TM9SF4: variants seen among roughly 807,000 people sequenced by gnomAD.
The protein encoded by TM9SF4 is transmembrane 9 superfamily member 4, also known as dinucleotide oxidase disulfide thiol exchanger 3 superfamily member 4.
In TM9SF4, 26 loss-of-function variants were observed where a neutral mutation model predicts 90.4. That is an observed-to-expected ratio of 0.29 (90% CI 0.21 to 0.40). TM9SF4 has a LOEUF of 0.40. Ranked by LOEUF, TM9SF4 falls within the 10% of genes least tolerant of loss-of-function variation. The pLI, the probability that TM9SF4 is intolerant of heterozygous loss-of-function variation, is 1.00. For synonymous variants in TM9SF4, 293 were observed against 315.4 expected, an observed-to-expected ratio of 0.93 and a Z score of 0.75; for missense variants, 549 against 834.8, an observed-to-expected ratio of 0.66 and a Z score of 4.22.
In TM9SF4 at chr20:32,150,630, A is replaced by G. The variant is rs772995847; in HGVS notation, c.1096A>G (p.Met366Val). 6.2e-7 allele frequency: 1 copy of G among 1,614,122 alleles called. No homozygotes were observed. The highest frequency in any genetic ancestry group is 1.1e-5 in the South Asian group (1 of 91,080). Residue 366 changes from methionine (M) to valine (V), a missense_variant, in exon 11 of 18, where the codon ATG becomes GTG. Physicochemically the swap from Met to Val is conservative, Grantham distance 21. Around this residue, in one of 2 missense-constraint regions of TM9SF4, gnomAD observed 495 missense variants for 711.7 expected, o/e 0.70. Coordinates refer to ENST00000398022, the MANE Select transcript of TM9SF4 (RefSeq NM_014742.4). ...CCTCCCTCCCTCCACAGTTGTAGCCATGCTTGGGATGCTGTCGCCCTCCAG... is the reference window on the plus strand; with the variant it reads ...CCTCCCTCCCTCCACAGTTGTAGCCGTGCTTGGGATGCTGTCGCCCTCCAG... ...CMILIVIFVA[M>V]LGMLSPSSRG...
chr20:32,130,292 A>G (rs974870157), intron 1 of TM9SF4, among the ~76,000 whole-genome samples: 3 of 152,170 alleles, frequency 2.0e-5, no homozygotes, highest in Non-Finnish European at 4.4e-5. Context: ...TGTTGATAGT[A>G]TCTTTGTGTG....
rs1440757110 is a variant in TM9SF4 at position 32,129,353 on chromosome 20, C to T, written c.16-3660C>T. Among the ~76,000 whole-genome samples the T allele has an allele frequency of 3.3e-5, 5 of 152,012 alleles. No homozygotes were observed. In the East Asian group the frequency reaches 9.7e-4, roughly 30 times the overall value. ...ACAAAAAATCAAAAAAATTGCGGTG[C>T]ATGGTGGCGTGTGCCTGTGGTCCCA... On this transcript the variant is annotated intron_variant, in intron 1 of 17. Coordinates refer to ENST00000398022, the MANE Select transcript of TM9SF4 (RefSeq NM_014742.4).
At chr20:32,143,962 C>T (rs984574354) in intron 6 of TM9SF4, among the ~76,000 whole-genome samples, 1 of 151,806 alleles carries the variant, frequency 6.6e-6, no homozygotes, top group Non-Finnish European at 1.5e-5. Flanking sequence ...TTTTTTCCCC[C>T]CAAGACAGAG....
intron 16 of TM9SF4, chr20:32,161,057 G>A (rs2047011147): frequency 4.3e-6 from 2 of 465,316 alleles, no homozygotes; most frequent in Middle Eastern, 5.8e-4. Context: ...TTTTAATGAG[G>A]TATAAACTGT....
chr20:32,155,013 G>A, intron 12 of TM9SF4, 90 bp from the exon 13 acceptor site: 1 of 895,842 alleles, frequency 1.1e-6, no homozygotes, highest in Non-Finnish European at 1.9e-6. Context: ...AGACAAGGAG[G>A]GCTTAAGAGC....
At chr20:32,117,665 G>C (rs2046247350) in intron 1 of TM9SF4, among the ~76,000 whole-genome samples, 1 of 149,430 alleles carries the variant, frequency 6.7e-6, no homozygotes, top group Non-Finnish European at 1.5e-5. Flanking sequence ...CAGATGGGGA[G>C]GGAAAGACCT....
At chr20:32,154,567 C>T (rs2046890561) in intron 12 of TM9SF4, among the ~76,000 whole-genome samples, 1 of 152,170 alleles carries the variant, frequency 6.6e-6, no homozygotes, top group Non-Finnish European at 1.5e-5. Flanking sequence ...AATTCTCCAG[C>T]CTCAGCCTCC....
rs1448170846 is a variant in TM9SF4, at chr20:32,157,954, T to C, written c.1490T>C (p.Met497Thr). 6.2e-7 allele frequency: 1 copy of C among 1,614,086 alleles called. No individual in the cohort carries two copies. The highest frequency in any genetic ancestry group is 8.5e-7 in the Non-Finnish European group (1 of 1,180,012). The part of the protein sequence containing the change: ...PRQIPEQRWY[M>T]NRFVGILMAG... ...CAGATCCCCGAGCAGCGGTGGTACATGAACCGATTTGTGGGGTGAGTCCTC... is the reference window on the plus strand; with the variant it reads ...CAGATCCCCGAGCAGCGGTGGTACACGAACCGATTTGTGGGGTGAGTCCTC... The change falls in exon 14 of 18, where the codon ATG (methionine) becomes ACG (threonine). Residue 497 changes from methionine (M) to threonine (T), a missense_variant. Met to Thr is a moderately conservative substitution (Grantham distance 81, BLOSUM62 -1). Coordinates refer to ENST00000398022, the MANE Select transcript of TM9SF4 (RefSeq NM_014742.4).
At chr20:32,112,709 A>AG (rs2046163722) in intron 1 of TM9SF4, among the ~76,000 whole-genome samples, 1 of 151,092 alleles carries the variant, frequency 6.6e-6, no homozygotes, top group African/African-American at 2.4e-5. Flanking sequence ...AAAAAAAAAA[A>AG]CAAAAAACAA....
intron 1 of TM9SF4, among the ~76,000 whole-genome samples, chr20:32,122,258 A>AT (rs1555881832): frequency 1.8e-4 from 4 of 22,740 alleles, no homozygotes; most frequent in Non-Finnish European, 4.7e-4. Flanking sequence ...CGGGGGGCTG[A>AT]CCCCCCACCT....
At chr20:32,147,915 C>A (rs1406615193) in intron 9 of TM9SF4, among the ~76,000 whole-genome samples, 2 of 149,904 alleles carry the variant, frequency 1.3e-5, no homozygotes, top group Non-Finnish European at 3.0e-5. Flanking sequence ...GAGTTCAAGA[C>A]CAGCCTGACC....
At chr20:32,142,243 A>C (rs916799692) in intron 5 of TM9SF4, among the ~76,000 whole-genome samples, 1 of 152,146 alleles carries the variant, frequency 6.6e-6, no homozygotes, top group Non-Finnish European at 1.5e-5. Context: ...TAGTTGTCTA[A>C]GTGACCCTGA....
At chr20:32,161,896 G>T (rs2047024098) in intron 17 of TM9SF4, among the ~76,000 whole-genome samples, 1 of 152,210 alleles carries the variant, frequency 6.6e-6, no homozygotes, top group South Asian at 2.1e-4. Context: ...GAGAGGATGG[G>T]AAAGTTTTTC....
At chr20:32,156,942 CT>C (rs71185385) in intron 13 of TM9SF4, among the ~76,000 whole-genome samples, 116 of 103,438 alleles carry the variant, frequency 1.1e-3, no homozygotes, top group Admixed American at 4.1e-3. Flanking sequence ...TGGACATTTT[CT>C]TTTTTTTTTT....
intron 3 of TM9SF4, among the ~76,000 whole-genome samples, chr20:32,138,975 T>C (rs1195485808): frequency 1.3e-5 from 2 of 152,254 alleles, no homozygotes; most frequent in East Asian, 1.9e-4. Flanking sequence ...TCTGCAGATA[T>C]CTTACTGTGT....
rs566803575 is a variant in TM9SF4 at position 32,135,978 on chromosome 20, C to G, written c.130-96C>G. On this transcript the variant is annotated intron_variant, in intron 2 of 17. Transcript: ENST00000398022. ...TGTACTGCTGTCATTTCTGCTAATTCGTTTGCCTATTAGTTAATATTACCA... is the reference window on the plus strand; with the variant it reads ...TGTACTGCTGTCATTTCTGCTAATTGGTTTGCCTATTAGTTAATATTACCA... The G allele has an allele frequency of 4.5e-5, 44 of 984,470 alleles. No individual in the cohort carries two copies. In the African/African-American group the frequency reaches 5.3e-4, roughly 12 times the overall value. The allele number at this position is 984,470 out of a possible 1,614,324, so 61.0% of individuals were successfully genotyped here. A position where few individuals can be genotyped will look rare whatever the true frequency, so the allele number is the denominator to read the frequency against.
chr20:32,152,595 A>AGG (rs1464490843), intron 12 of TM9SF4, among the ~76,000 whole-genome samples: 9 of 152,170 alleles, frequency 5.9e-5, no homozygotes, highest in African/African-American at 2.2e-4. Flanking sequence ...TCTCCCTACA[A>AGG]GATTCTGACC....
At chr20:32,115,928 T>C (rs372044368) in intron 1 of TM9SF4, among the ~76,000 whole-genome samples, 1 of 151,086 alleles carries the variant, frequency 6.6e-6, no homozygotes, top group South Asian at 2.1e-4. Context: ...TTCGAGCGAT[T>C]CTCCTGCCTC....
intron 16 of TM9SF4, among the ~76,000 whole-genome samples, chr20:32,160,701 A>T (rs1025681939): frequency 2.6e-5 from 4 of 152,180 alleles, no homozygotes; most frequent in Non-Finnish European, 5.9e-5. Flanking sequence ...CTGTAATCCC[A>T]GCATTTTGAG....
Sources: gnomAD v4.1 joint callset for allele counts (sites outside exome capture counted in the v4.1 genomes callset) on GRCh38, gnomAD v4.1.1 for gene constraint, gnomAD v4.1.1 regional missense constraint, MANE v1.5 for transcripts, NCBI Gene and HGNC (gene_info 2026-07-23, HGNC 2026-07-21) for gene names.